TOR1AIP1: variants seen among roughly 807,000 people sequenced by gnomAD.
TOR1AIP1 encodes torsin-1A-interacting protein 1.
In TOR1AIP1, 54 loss-of-function variants were observed where a neutral mutation model predicts 63.3. That is an observed-to-expected ratio of 0.85 (90% CI 0.69 to 1.07). TOR1AIP1 has a LOEUF of 1.07. Ranked by LOEUF, TOR1AIP1 falls within the 50% of genes least tolerant of loss-of-function variation. The pLI is 0.00. For missense variants in TOR1AIP1, 736 were observed against 715.0 expected (o/e 1.03, Z -0.33); for synonymous variants, 294 against 273.5 (o/e 1.07, Z -0.74).
At chr1:179,913,111 TTTC>T (rs1648891666) in intron 8 of TOR1AIP1, among the ~76,000 whole-genome samples, 1 of 151,882 alleles carries the variant, frequency 6.6e-6, no homozygotes, top group African/African-American at 2.4e-5. Flanking sequence ...TCATTTTTAA[TTTC>T]TTTTCTTGTT....
rs1649106960 is a variant in TOR1AIP1 at position 179,918,934 on chromosome 1, C to T, written c.*695C>T. On this transcript the variant is annotated 3_prime_UTR_variant, in exon 10 of 10. Transcript: ENST00000606911. ...TGTTTTTTACATCTCCTTTTTCCTT[C>T]CTTGAAGAAAAATTCTTGGCTGTCC... 1 of 151,984 alleles carries T rather than the reference C, an allele frequency of 6.6e-6. No individual in the cohort carries two copies. The highest frequency in any genetic ancestry group is 1.5e-5 in the Non-Finnish European group (1 of 67,992). The allele number at this position is 151,984 out of a possible 1,614,324, so 9.4% of individuals were successfully genotyped here.
chr1:179,889,406 T>C, intron 3 of TOR1AIP1, 37 bp downstream of exon 3: 1 of 1,525,590 alleles, frequency 6.6e-7, no homozygotes, highest in Non-Finnish European at 9.0e-7. Context: ...ACCTTTGTTA[T>C]AAATACAGTT....
chr1:179,892,137 C>T (rs552271235), intron 3 of TOR1AIP1, among the ~76,000 whole-genome samples: 4 of 152,272 alleles, frequency 2.6e-5, no homozygotes, highest in African/African-American at 9.6e-5. Context: ...TCCTCTAATT[C>T]ATCTTTCACT....
chr1:179,917,405 C>T (rs750714106), intron 9 of TOR1AIP1, 47 bp from the exon 10 acceptor site: 4 of 1,511,090 alleles, frequency 2.6e-6, no homozygotes, highest in South Asian at 2.6e-5. Flanking sequence ...GCCCCTGAAT[C>T]TAAGAAAGTG....
At chr1:179,915,602 A>G (rs1375916744) in intron 9 of TOR1AIP1, among the ~76,000 whole-genome samples, 1 of 152,200 alleles carries the variant, frequency 6.6e-6, no homozygotes, top group Non-Finnish European at 1.5e-5. Flanking sequence ...CTAGAAATAC[A>G]AAAACATTAG....
intron 3 of TOR1AIP1, among the ~76,000 whole-genome samples, chr1:179,897,200 A>C (rs1372431128): frequency 6.6e-6 from 1 of 152,202 alleles, no homozygotes; most frequent in East Asian, 1.9e-4. Flanking sequence ...AGTGTTGAAA[A>C]ATGGATAGAA....
chr1:179,901,456 T>G, intron 5 of TOR1AIP1, 68 bp downstream of exon 5: 2 of 1,040,438 alleles, frequency 1.9e-6, no homozygotes, highest in Non-Finnish European at 2.7e-6. Flanking sequence ...GAATTTGCTT[T>G]TTAAAAAAAA....
intron 7 of TOR1AIP1, 27 bp from the exon 8 acceptor site, chr1:179,908,578 A>G (rs747050901): frequency 6.3e-7 from 1 of 1,592,288 alleles, no homozygotes; most frequent in Non-Finnish European, 8.6e-7. Flanking sequence ...ATGGGAAATT[A>G]TCTTTTGATA....
chr1:179,884,882 C>T (rs1265757123), intron 2 of TOR1AIP1, 113 bp downstream of exon 2: 21 of 714,048 alleles, frequency 2.9e-5, no homozygotes, highest in Admixed American at 3.4e-5. Flanking sequence ...CACGTGAGTA[C>T]TCAAGAGTAC....
intron 5 of TOR1AIP1, 32 bp downstream of exon 5, chr1:179,901,420 T>C: frequency 7.4e-7 from 1 of 1,343,004 alleles, no homozygotes; most frequent in Non-Finnish European, 1.0e-6. Flanking sequence ...ATGACTCTTC[T>C]CATAGAACTA....
intron 6 of TOR1AIP1, among the ~76,000 whole-genome samples, chr1:179,906,965 C>T (rs1648657375): frequency 6.6e-6 from 1 of 151,752 alleles, no homozygotes; most frequent in Non-Finnish European, 1.5e-5. Context: ...TCTCGATCTC[C>T]TGACCTCATG....
At chr1:179,893,842 T>G (rs1648181859) in intron 3 of TOR1AIP1, among the ~76,000 whole-genome samples, 1 of 152,154 alleles carries the variant, frequency 6.6e-6, no homozygotes, top group East Asian at 1.9e-4. Flanking sequence ...AAGAAGGAAT[T>G]TTTACACTGC....
At chr1:179,905,060 C>T (rs1362413307) in intron 6 of TOR1AIP1, among the ~76,000 whole-genome samples, 2 of 151,854 alleles carry the variant, frequency 1.3e-5, no homozygotes, top group Non-Finnish European at 2.9e-5. Flanking sequence ...TTTTCTTCCA[C>T]ATTACTTTCT....
At chr1:179,909,403 G>T (rs549500696) in intron 8 of TOR1AIP1, among the ~76,000 whole-genome samples, 60 of 150,250 alleles carry the variant, frequency 4.0e-4, no homozygotes, top group African/African-American at 1.2e-3. Flanking sequence ...GTTTTGTTTT[G>T]TTTTGTTTTG....
At chr1:179,905,856 G>A (rs886143606) in intron 6 of TOR1AIP1, among the ~76,000 whole-genome samples, 36 of 152,102 alleles carry the variant, frequency 2.4e-4, no homozygotes, top group Non-Finnish European at 4.4e-5. Context: ...GGGAGGCTGA[G>A]GCAGGAGAAT....
chr1:179,889,246 A>G, intron 2 of TOR1AIP1, 67 bp from the exon 3 acceptor site: 2 of 1,256,052 alleles, frequency 1.6e-6, no homozygotes, highest in Admixed American at 1.9e-5. Flanking sequence ...AGGGATGATC[A>G]TGTAATAAAG....
chr1:179,915,520 C>T (rs989948155), intron 9 of TOR1AIP1, among the ~76,000 whole-genome samples: 1 of 152,224 alleles, frequency 6.6e-6, no homozygotes, highest in Admixed American at 6.5e-5. Context: ...TTTTGGGAGG[C>T]CCAGGCGGAT....
At chr1:179,896,985 T>G (rs556386639) in intron 3 of TOR1AIP1, among the ~76,000 whole-genome samples, 1 of 152,308 alleles carries the variant, frequency 6.6e-6, no homozygotes, top group African/African-American at 2.4e-5. Flanking sequence ...CTACGGGGAT[T>G]ATTATTATTT....
chr1:179,887,205 C>G (rs1202258035), intron 2 of TOR1AIP1, among the ~76,000 whole-genome samples: 1 of 151,268 alleles, frequency 6.6e-6, no homozygotes, highest in Non-Finnish European at 1.5e-5. Context: ...CGAGACCAGC[C>G]TGGCCAATAT....
Sources: allele counts gnomAD v4.1 joint callset (sites outside exome capture counted in the v4.1 genomes callset), GRCh38; gene constraint gnomAD v4.1.1; transcripts MANE v1.5; gene names NCBI Gene and HGNC (gene_info 2026-07-23, HGNC 2026-07-21).